The following SYNGR1 variants were observed in gnomAD, a reference collection of about 807,000 sequenced individuals.
SYNGR1 encodes the protein synaptogyrin-1.
Under a neutral mutation model 26.1 loss-of-function variants are expected in SYNGR1, and 14 were observed. That is an observed-to-expected ratio of 0.54 (90% CI 0.35 to 0.84). SYNGR1 has a LOEUF of 0.84. SYNGR1 is among the 40% of genes least tolerant of loss of function. The pLI, the probability that SYNGR1 is intolerant of heterozygous loss-of-function variation, is 0.01. For missense variants in SYNGR1, 319 were observed against 332.9 expected (o/e 0.96, Z 0.33); for synonymous variants, 141 against 150.1 (o/e 0.94, Z 0.44).
rs1175303790 is a variant in SYNGR1, at chr22:39,374,356, G to T, written c.140G>T (p.Gly47Val). The change falls in exon 2 of 4, where the codon GGC (glycine) becomes GTC (valine). Residue 47 changes from glycine (G) to valine (V), a missense_variant. Gly to Val is a moderately radical substitution (Grantham distance 109). Transcript: ENST00000328933. ...GTGTTCGGCTCCATCGTGAACGAGG[G>T]CTACCTCAACAGCGCCTCCGAGGGG... is the stretch of plus-strand genomic sequence containing the variant. ...IVVFGSIVNE[G>V]YLNSASEGEE... is the part of the protein sequence containing the mutation. 6.2e-7 allele frequency: 1 copy of T among 1,614,044 alleles called. No homozygotes were observed. The highest frequency in any genetic ancestry group is 8.5e-7 in the Non-Finnish European group (1 of 1,180,024).
chr22:39,364,051 C>T (rs761503683), intron 1 of SYNGR1: 28 of 1,388,108 alleles, frequency 2.0e-5, no homozygotes, highest in South Asian at 2.5e-5. Flanking sequence ...CTTCGTTAGC[C>T]GACGCCCTGC....
At chr22:39,369,964 A>G (rs970857921) in intron 1 of SYNGR1, among the ~76,000 whole-genome samples, 5 of 152,116 alleles carry the variant, frequency 3.3e-5, no homozygotes, top group African/African-American at 7.2e-5. Flanking sequence ...TTAATGTTGT[A>G]TAATTCAGTG....
chr22:39,361,448 A>G (rs1035368401), intron 1 of SYNGR1, among the ~76,000 whole-genome samples: 1 of 150,906 alleles, frequency 6.6e-6, no homozygotes. Flanking sequence ...AACCTCCACA[A>G]TCGGGGTCAA....
intron 1 of SYNGR1, among the ~76,000 whole-genome samples, chr22:39,370,549 C>T (rs1420713002): frequency 6.6e-6 from 1 of 152,082 alleles, no homozygotes. Context: ...CACTTTGTGT[C>T]CCCATTCATC....
chr22:39,374,518 G>A lies in SYNGR1; in HGVS notation c.302G>A (p.Arg101His). 1.9e-6 allele frequency: 3 copies of A among 1,613,576 alleles called. No homozygotes were observed. Among genetic ancestry groups the A allele is most frequent in the Non-Finnish European group, 2.5e-6 (3 of 1,180,022 alleles). Residue 101 changes from arginine (R) to histidine (H), a missense_variant, in exon 2 of 4, where the codon CGC becomes CAC. Coordinates refer to ENST00000328933, the MANE Select transcript of SYNGR1 (RefSeq NM_004711.5). ...YFPQISSVKD[R>H]KKAVLSDIGV... ...CCGCAGATCAGCAGCGTCAAGGACC[G>A]CAAGAAAGCCGTCCTGTCCGACATC...
At chr22:39,356,643 G>A (rs1472413150) in intron 1 of SYNGR1, among the ~76,000 whole-genome samples, 1 of 152,136 alleles carries the variant, frequency 6.6e-6, no homozygotes, top group Admixed American at 6.5e-5. Context: ...AGAGGCAGAT[G>A]GCAGGGCTGT....
In SYNGR1 at chr22:39,350,177, CCGGA is replaced by C; in HGVS notation, c.99+70_99+73del. ...GGGGGTGTGAGCAAAGGCGGCGCGC[CCGGA>C]CCGACCCCGACCCCGACCCCAACGG... On this transcript the variant is annotated intron_variant, in intron 1 of 3. Transcript: ENST00000328933. The surrounding 1 kb of genome is among the most constrained non-coding windows in gnomAD (Gnocchi z 4.3). The C allele has an allele frequency of 1.8e-6, 2 of 1,137,728 alleles. No individual in the cohort carries two copies. The highest frequency in any genetic ancestry group is 4.1e-5 in the South Asian group (2 of 48,564). 70.5% of individuals were successfully genotyped at this position (1,137,728 alleles called of 1,614,324 possible).
Position 39,350,804 on chromosome 22 carries a change from C to T in SYNGR1, c.99+695C>T, listed in dbSNP as rs1170188051. On this transcript the variant is annotated intron_variant, in intron 1 of 3. Coordinates refer to ENST00000328933, the MANE Select transcript of SYNGR1 (RefSeq NM_004711.5). The surrounding 1 kb of genome is among the most constrained non-coding windows in gnomAD (Gnocchi z 4.3). ...AATTTATAGACAAGGTGGGCGGAGC[C>T]TTCTTGAGGCCCCCTTGGGCTCTGA... is the stretch of plus-strand genomic sequence containing the variant. Among the ~76,000 whole-genome samples, 1 of 152,174 alleles carries T rather than the reference C, an allele frequency of 6.6e-6. No individual in the cohort carries two copies. Among genetic ancestry groups the T allele is most frequent in the Non-Finnish European group, 1.5e-5 (1 of 68,030 alleles).
At position 39,382,009 on chromosome 22, in the gene SYNGR1, A is replaced by T; in HGVS notation, c.*95A>T. 7.3e-7 allele frequency: 1 copy of T among 1,378,182 alleles called. No individual in the cohort carries two copies. Among genetic ancestry groups the T allele is most frequent in the South Asian group, 1.2e-5 (1 of 80,360 alleles). 85.4% of individuals were successfully genotyped at this position (1,378,182 alleles called of 1,614,324 possible). ...CCCAGGCTGCCCTGCCCAGCGCCTC[A>T]TCAGCCTCTGCCTTGTCCCACTGAG... On this transcript the variant is annotated 3_prime_UTR_variant, in exon 4 of 4. Coordinates refer to ENST00000328933, the MANE Select transcript of SYNGR1 (RefSeq NM_004711.5).
Position 39,385,236 on chromosome 22 carries a change from G to A in SYNGR1, c.*3322G>A, listed in dbSNP as rs1443803036. 1 of 377,444 alleles carries A rather than the reference G, an allele frequency of 2.6e-6. No individual in the cohort carries two copies. The highest frequency in any genetic ancestry group is 2.1e-5 in the African/African-American group (1 of 48,186). The allele number at this position is 377,444 out of a possible 1,614,324, so 23.4% of individuals were successfully genotyped here. A position where few individuals can be genotyped will look rare whatever the true frequency, so the allele number is the denominator to read the frequency against. ...TGCCTCCCAGCGATGCACTTGACCT[G>A]ACACTCCCCATGTCCTGGTGCGCAC... On this transcript the variant is annotated 3_prime_UTR_variant, in exon 4 of 4. Transcript: ENST00000328933.
chr22:39,365,066 C>T (rs1248173374), intron 1 of SYNGR1, among the ~76,000 whole-genome samples: 1 of 152,156 alleles, frequency 6.6e-6, no homozygotes, highest in Non-Finnish European at 1.5e-5. Context: ...GACCTGGGTC[C>T]TCCCTTGGCC....
chr22:39,364,234 T>G (rs1601656491), intron 1 of SYNGR1: 1 of 1,614,032 alleles, frequency 6.2e-7, no homozygotes, highest in East Asian at 2.2e-5. Flanking sequence ...ATTCGATCCT[T>G]CATGGATAGG....
At chr22:39,360,309 C>T (rs113064336) in intron 1 of SYNGR1, among the ~76,000 whole-genome samples, 30 of 152,322 alleles carry the variant, frequency 2.0e-4, no homozygotes, top group African/African-American at 7.2e-4. Context: ...CGTGATTCCC[C>T]ATCTCAGGAA....
chr22:39,372,437 T>C (rs1220148037), intron 1 of SYNGR1, among the ~76,000 whole-genome samples: 13 of 127,980 alleles, frequency 1.0e-4, no homozygotes, highest in African/African-American at 3.4e-4. Context: ...CACGCCCAGC[T>C]CTTTTTTTTT....
At chr22:39,380,902 T>C (rs1925478307) in intron 3 of SYNGR1, among the ~76,000 whole-genome samples, 1 of 152,106 alleles carries the variant, frequency 6.6e-6, no homozygotes, top group Admixed American at 6.6e-5. Context: ...ATTGCAAGCA[T>C]GAGTTGTCGC....
At position 39,382,209 on chromosome 22, in the gene SYNGR1, C is replaced by G. The variant is rs988488226; in HGVS notation, c.*295C>G. ...CCTTGAGCGCCTACTGGGCATCCGG[C>G]CTGTGCTGGGCATGGGTGGTGACAT... On this transcript the variant is annotated 3_prime_UTR_variant, in exon 4 of 4. Transcript: ENST00000328933. The G allele has an allele frequency of 1.9e-6, 1 of 519,744 alleles. No homozygotes were observed. The highest frequency in any genetic ancestry group is 3.5e-6 in the Non-Finnish European group (1 of 285,786). The allele number at this position is 519,744 out of a possible 1,614,324, so 32.2% of individuals were successfully genotyped here. A position where few individuals can be genotyped will look rare whatever the true frequency, so the allele number is the denominator to read the frequency against.
chr22:39,355,914 G>T (rs2080930025), intron 1 of SYNGR1, among the ~76,000 whole-genome samples: 1 of 152,154 alleles, frequency 6.6e-6, no homozygotes, highest in African/African-American at 2.4e-5. Flanking sequence ...AGCTACTTGG[G>T]AGGCTGAGGC....
At chr22:39,354,182 CT>C (rs1924043187) in intron 1 of SYNGR1, among the ~76,000 whole-genome samples, 1 of 152,238 alleles carries the variant, frequency 6.6e-6, no homozygotes, top group African/African-American at 2.4e-5. Flanking sequence ...TAATTCTCTA[CT>C]TTGACAAAAT....
rs1273264003 is a variant in SYNGR1, at chr22:39,350,888, G to T, written c.99+779G>T. Among the ~76,000 whole-genome samples, 1 of 152,204 alleles carries T rather than the reference G, an allele frequency of 6.6e-6. No individual in the cohort carries two copies. The highest frequency in any genetic ancestry group is 6.5e-5 in the Admixed American group (1 of 15,282). On this transcript the variant is annotated intron_variant, in intron 1 of 3. Transcript: ENST00000328933. The surrounding 1 kb of genome is among the most constrained non-coding windows in gnomAD (Gnocchi z 4.3). ...GCATGCACCTGGATGCCCAAGGCGG[G>T]TGTCTGGGAGAAAGGTCTGCTCCCA... is the stretch of plus-strand genomic sequence containing the variant.
Sources: allele counts gnomAD v4.1 joint callset (sites outside exome capture counted in the v4.1 genomes callset), GRCh38; gene constraint gnomAD v4.1.1; non-coding constraint Gnocchi (gnomAD v3.1); transcripts MANE v1.5; gene names NCBI Gene and HGNC (gene_info 2026-07-23, HGNC 2026-07-21).